Variants in SSBP1 observed in about 807,000 individuals in gnomAD.
SSBP1 encodes single-stranded DNA-binding protein, mitochondrial.
A neutral mutation model predicts 27.0 loss-of-function variants in SSBP1; 20 were observed. The observed-to-expected ratio is 0.74, with a 90% CI of 0.52 to 1.08. The LOEUF is 1.08. SSBP1 is among the 50% of genes least tolerant of loss of function. SSBP1 has a pLI of 0.00. For missense variants in SSBP1, 137 were observed against 182.4 expected (o/e 0.75, Z 1.44); for synonymous variants, 59 against 59.3 (o/e 1.00, Z 0.02).
rs141290369 is a variant in SSBP1 at position 141,742,192 on chromosome 7, T to C, written c.48T>C (p.His16=). The change falls in exon 3 of 7, where the codon CAT becomes CAC. Residue 16 remains histidine, a synonymous_variant. Transcript: ENST00000265304. ...AGGTACTTCGTCAGTTTGTAAGACA[T>C]GAGTCCGAAACAACTACCAGTTTGG... ...VLQVLRQFVR[H]ESETTTSLVL... The C allele has an allele frequency of 6.2e-7, 1 of 1,602,858 alleles. No individual in the cohort carries two copies. The highest frequency in any genetic ancestry group is 2.2e-5 in the East Asian group (1 of 44,654).
rs780645571 is a variant in SSBP1 at position 141,743,554 on chromosome 7, G to T, written c.86-7G>T. 3.7e-6 allele frequency: 6 copies of T among 1,613,660 alleles called. No homozygotes were observed. In the Admixed American group the frequency reaches 1.0e-4, roughly 27 times the overall value. On this transcript the variant is annotated splice_polypyrimidine_tract_variant and splice_region_variant and intron_variant, in intron 3 of 6. Coordinates refer to ENST00000265304, the MANE Select transcript of SSBP1 (RefSeq NM_003143.3). Reference sequence around the variant, plus strand: ...TTGTCTCATTTGGTCTTGATGTTGTGTTTCAGCCCTGAATCGTGTGCACTT... The same window carrying T: ...TTGTCTCATTTGGTCTTGATGTTGTTTTTCAGCCCTGAATCGTGTGCACTT...
chr7:141,745,822 C>G, intron 6 of SSBP1: 2 of 1,264,518 alleles, frequency 1.6e-6, no homozygotes, highest in Non-Finnish European at 2.0e-6. Context: ...TTGAATAAAG[C>G]CTAAAACTGA....
chr7:141,747,959 C>T (rs1249660744), intron 6 of SSBP1, among the ~76,000 whole-genome samples: 1 of 141,304 alleles, frequency 7.1e-6, no homozygotes, highest in African/African-American at 2.7e-5. Context: ...GATCACACCA[C>T]TGCACTCCAG....
In SSBP1 at chr7:141,743,627, A is replaced by G; in HGVS notation, c.152A>G (p.Lys51Arg). ...CCTGTCTTGAGACAGGTGGAAGGAA[A>G]AAATCCAGTCACAATATTTTCTCTA... is the stretch of plus-strand genomic sequence containing the variant. ...QDPVLRQVEG[K>R]NPVTIFSLAT... The change falls in exon 4 of 7, where the codon AAA becomes AGA. Residue 51 changes from lysine to arginine, a missense_variant. By Grantham distance (26) the Lys-to-Arg change is conservative. Around this residue, in one of 2 missense-constraint regions of SSBP1, gnomAD observed 95 missense variants for 152.0 expected, o/e 0.62. Coordinates refer to ENST00000265304, the MANE Select transcript of SSBP1 (RefSeq NM_003143.3). 1 of 1,614,214 alleles carries G rather than the reference A, an allele frequency of 6.2e-7. No individual in the cohort carries two copies. The highest frequency in any genetic ancestry group is 8.5e-7 in the Non-Finnish European group (1 of 1,180,046).
rs2117177993 is a variant in SSBP1, at chr7:141,743,867, G to C, written c.227-35G>C. Reference sequence around the variant, plus strand: ...GTTTTCCTGGGCATGTTGTCTGTTGGCATTTGTAACCAATTTCCTATTTTT... The same window carrying C: ...GTTTTCCTGGGCATGTTGTCTGTTGCCATTTGTAACCAATTTCCTATTTTT... On this transcript the variant is annotated intron_variant, in intron 4 of 6. Transcript: ENST00000265304. The C allele has an allele frequency of 2.5e-6, 4 of 1,592,056 alleles. No homozygotes were observed. The East Asian group carries it at 8.9e-5, about 36-fold the overall frequency.
chr7:141,740,757 A>G (rs1799495931), intron 2 of SSBP1: 1 of 152,252 alleles, frequency 6.6e-6, no homozygotes, highest in South Asian at 2.1e-4. Flanking sequence ...CACTAAAAAC[A>G]GGAAATTTCC....
intron 5 of SSBP1, among the ~76,000 whole-genome samples, chr7:141,744,712 TTATG>T (rs1799708110): frequency 6.6e-6 from 1 of 152,234 alleles, no homozygotes; most frequent in South Asian, 2.1e-4. Context: ...TCATTGCCCT[TTATG>T]TATGTTTATG....
At position 141,744,007 on chromosome 7, in the gene SSBP1, G is replaced by T. The variant is rs781336881; in HGVS notation, c.314+18G>T. On this transcript the variant is annotated intron_variant, in intron 5 of 6. Transcript: ENST00000265304. ...AAAAAGGGGTAAGTTGAAGAGGGAA[G>T]GATCTTATGAATTGAATGATTTAAA... is the stretch of plus-strand genomic sequence containing the variant. 5.6e-6 allele frequency: 9 copies of T among 1,600,390 alleles called. No homozygotes were observed. The highest frequency in any genetic ancestry group is 1.3e-5 in the African/African-American group (1 of 74,282).
At chr7:141,748,148 C>G (rs1373915335) in intron 6 of SSBP1, among the ~76,000 whole-genome samples, 2 of 151,938 alleles carry the variant, frequency 1.3e-5, no homozygotes, top group Non-Finnish European at 2.9e-5. Flanking sequence ...GCGACTTGAC[C>G]TACACCTGGA....
intron 3 of SSBP1, among the ~76,000 whole-genome samples, chr7:141,743,027 TG>T (rs1437548609): frequency 1.3e-5 from 2 of 152,202 alleles, no homozygotes; most frequent in Non-Finnish European, 2.9e-5. Context: ...GCTAATTTTT[TG>T]TATTTTAGTA....
In SSBP1 at chr7:141,743,652, A is replaced by G. The variant is rs1799656260; in HGVS notation, c.177A>G (p.Leu59=). The G allele has an allele frequency of 1.2e-6, 2 of 1,614,238 alleles. No individual in the cohort carries two copies. The highest frequency in any genetic ancestry group is 1.7e-5 in the Admixed American group (1 of 60,028). The change falls in exon 4 of 7, where the codon CTA becomes CTG. Residue 59 remains leucine (L), a synonymous_variant. Transcript: ENST00000265304. The part of the protein sequence containing the change: ...EGKNPVTIFS[L]ATNEMWRSGD... ...AAAATCCAGTCACAATATTTTCTCT[A>G]GCAACTAATGAGATGTGGCGATCAG... is the stretch of plus-strand genomic sequence containing the variant.
At position 141,748,691 on chromosome 7, in the gene SSBP1, C is replaced by A. The variant is rs541878911; in HGVS notation, c.404-1620C>A. Among the ~76,000 whole-genome samples the A allele has an allele frequency of 5.3e-5, 8 of 152,260 alleles. No homozygotes were observed. In the South Asian group the frequency reaches 1.2e-3, roughly 24 times the overall value. On this transcript the variant is annotated intron_variant, in intron 6 of 6. Transcript: ENST00000265304. ...TTTCCTTGTCACTAGGTTCCACTAG[C>A]ACAGTCAGTTTACTTTAGGTTTATG...
chr7:141,743,662 G>C lies in SSBP1; in HGVS notation c.187G>C (p.Glu63Gln). Residue 63 changes from glutamate to glutamine, a missense_variant, in exon 4 of 7, where the codon GAG becomes CAG. Around this residue, in one of 2 missense-constraint regions of SSBP1, gnomAD observed 95 missense variants for 152.0 expected, o/e 0.62. Transcript: ENST00000265304. ...CACAATATTTTCTCTAGCAACTAATGAGATGTGGCGATCAGGGGATAGTGA... is the reference window on the plus strand; with the variant it reads ...CACAATATTTTCTCTAGCAACTAATCAGATGTGGCGATCAGGGGATAGTGA... Reference protein sequence around the residue: ...PVTIFSLATNEMWRSGDSEVY... With the variant: ...PVTIFSLATNQMWRSGDSEVY... 2 of 1,614,226 alleles carry C rather than the reference G, an allele frequency of 1.2e-6. No homozygotes were observed. Among genetic ancestry groups the C allele is most frequent in the Non-Finnish European group, 1.7e-6 (2 of 1,180,044 alleles).
chr7:141,746,585 A>T (rs1443767483), intron 6 of SSBP1: 1 of 152,098 alleles, frequency 6.6e-6, no homozygotes, highest in Non-Finnish European at 1.5e-5. Context: ...GGCTCAAATG[A>T]TCCTCCCACC....
intron 6 of SSBP1, chr7:141,746,468 C>G (rs1314407451): frequency 6.6e-6 from 1 of 152,284 alleles, no homozygotes; most frequent in African/African-American, 2.4e-5. Flanking sequence ...CAGCCTTCTC[C>G]CAAGTAGCTG....
At chr7:141,746,694 C>A (rs1006410409) in intron 6 of SSBP1, among the ~76,000 whole-genome samples, 1 of 151,974 alleles carries the variant, frequency 6.6e-6, no homozygotes, top group South Asian at 2.1e-4. Context: ...AAGATGTACA[C>A]GTAAAGGTTA....
At position 141,742,226 on chromosome 7, in the gene SSBP1, A is replaced by C; in HGVS notation, c.82A>C (p.Arg28=). 1 of 1,599,774 alleles carries C rather than the reference A, an allele frequency of 6.3e-7. No individual in the cohort carries two copies. Among genetic ancestry groups the C allele is most frequent in the Non-Finnish European group, 8.6e-7 (1 of 1,168,234 alleles). Residue 28 remains arginine, a synonymous_variant, in exon 3 of 7, where the codon AGA becomes CGA. Coordinates refer to ENST00000265304, the MANE Select transcript of SSBP1 (RefSeq NM_003143.3). Reference sequence around the variant, plus strand: ...AACAACTACCAGTTTGGTTCTTGAAAGATGTAAGTAGCTAATTTCCAAGTT... The same window carrying C: ...AACAACTACCAGTTTGGTTCTTGAACGATGTAAGTAGCTAATTTCCAAGTT... ...SETTTSLVLE[R]SLNRVHLLGR...
chr7:141,742,935 A>G (rs550704652), intron 3 of SSBP1, among the ~76,000 whole-genome samples: 115 of 152,198 alleles, frequency 7.6e-4, no homozygotes, highest in African/African-American at 2.6e-3. Flanking sequence ...GCTCACTGCA[A>G]ACTCTGCCTC....
chr7:141,741,699 T>G, intron 2 of SSBP1: 4 of 868,738 alleles, frequency 4.6e-6, no homozygotes, highest in Non-Finnish European at 5.5e-6. Flanking sequence ...AATTAGAGGA[T>G]GTATATATTG....
Sources: allele counts gnomAD v4.1 joint callset (sites outside exome capture counted in the v4.1 genomes callset), GRCh38; gene constraint gnomAD v4.1.1; regional missense constraint gnomAD v4.1.1; transcripts MANE v1.5; gene names NCBI Gene and HGNC (gene_info 2026-07-23, HGNC 2026-07-21).